Variants in HMCN2 observed in about 807,000 individuals in gnomAD.
HMCN2 encodes hemicentin 2.
In HMCN2, 325 loss-of-function variants were observed where a neutral mutation model predicts 377.5. The observed-to-expected ratio is 0.86, with a 90% CI of 0.79 to 0.94. The LOEUF is 0.94. Among genes scored for constraint, HMCN2 ranks in the 40% least tolerant of loss-of-function variants. The pLI is 0.00. For synonymous variants in HMCN2, 2,007 were observed against 2,046.8 expected (o/e 0.98, Z 0.53); for missense variants, 4,543 against 4,725.3 (o/e 0.96, Z 1.13).
At chr9:130,333,165 TG>T (rs1358790100) in intron 22 of HMCN2, among the ~76,000 whole-genome samples, 1 of 152,178 alleles carries the variant, frequency 6.6e-6, no homozygotes, top group Non-Finnish European at 1.5e-5. Context: ...CATGCTGAAC[TG>T]GGGCATGCCG....
chr9:130,337,077 G>A (rs911865199), intron 22 of HMCN2, among the ~76,000 whole-genome samples: 11 of 152,194 alleles, frequency 7.2e-5, no homozygotes, highest in African/African-American at 2.4e-4. Flanking sequence ...AGGGTCAGTG[G>A]CCGCAGCTGT....
Position 130,399,547 on chromosome 9 carries a change from C to T in HMCN2, c.11520C>T (p.Pro3840=), listed in dbSNP as rs571707784. 60 of 1,289,258 alleles carry T rather than the reference C, an allele frequency of 4.7e-5. No homozygotes were observed. The highest frequency in any genetic ancestry group is 3.5e-4 in the South Asian group (28 of 80,962). 79.9% of individuals were successfully genotyped at this position (1,289,258 alleles called of 1,614,324 possible). A position where few individuals can be genotyped will look rare whatever the true frequency, so the allele number is the denominator to read the frequency against. ...CCAACGCCCTGCTCCTCACGGCCCCCGGCCCCCAGGACTCAGCCCAGTTTG... is the reference window on the plus strand; with the variant it reads ...CCAACGCCCTGCTCCTCACGGCCCCTGGCCCCCAGGACTCAGCCCAGTTTG... ...LPSNALLLTA[P]GPQDSAQFEC... is the part of the protein sequence containing the mutation. The change falls in exon 76 of 98, where the codon CCC becomes CCT. Residue 3840 remains proline, a synonymous_variant. Transcript: ENST00000683500.
At chr9:130,407,788 C>T in intron 83 of HMCN2, 83 bp downstream of exon 83, 1 of 1,037,342 alleles carries the variant, frequency 9.6e-7, no homozygotes, top group Non-Finnish European at 1.2e-6. Flanking sequence ...AAGAACCCAG[C>T]CTCCTGTCCT....
At chr9:130,405,844 C>G in intron 81 of HMCN2, 111 bp from the exon 82 acceptor site, 1 of 793,114 alleles carries the variant, frequency 1.3e-6, no homozygotes, top group South Asian at 1.7e-5. Context: ...TTGGGCAAGT[C>G]ACTTCCCCTC....
At chr9:130,281,792 G>C (rs1467010923) in intron 1 of HMCN2, among the ~76,000 whole-genome samples, 1 of 151,510 alleles carries the variant, frequency 6.6e-6, no homozygotes, top group Non-Finnish European at 1.5e-5. Context: ...TACTAGGCTG[G>C]GGCAGGAGAA....
rs1015727313 is a variant in HMCN2, at chr9:130,344,971, T to A, written c.3830-2195T>A. On this transcript the variant is annotated intron_variant, in intron 25 of 97. Transcript: ENST00000683500. ...TTTGGTGTGTGTAGTGTGTAGTGTT[T>A]GGTGTATATGTTGTATGTGTTGTGT... Among the ~76,000 whole-genome samples, 123 of 149,600 alleles carry A rather than the reference T, an allele frequency of 8.2e-4. 2 individuals carry two copies. Among genetic ancestry groups the A allele is most frequent in the African/African-American group, 2.9e-3 (115 of 39,648 alleles).
Position 130,425,846 on chromosome 9 carries a change from C to G in HMCN2, c.13801C>G (p.Arg4601Gly), listed in dbSNP as rs1158027569. 2 of 1,550,434 alleles carry G rather than the reference C, an allele frequency of 1.3e-6. No homozygotes were observed. Among genetic ancestry groups the G allele is most frequent in the South Asian group, 1.2e-5 (1 of 84,060 alleles). Residue 4601 changes from arginine (R) to glycine (G), a missense_variant, in exon 90 of 98, where the codon CGG becomes GGG. Transcript: ENST00000683500. ...CCAGCCCCAGCTGGTGCAGCACCTGCGGGCCTCAGCTATCAGCTCGGCCTT... is the reference window on the plus strand; with the variant it reads ...CCAGCCCCAGCTGGTGCAGCACCTGGGGGCCTCAGCTATCAGCTCGGCCTT... The part of the protein sequence containing the change: ...GPQPQLVQHL[R>G]ASAISSAFDP...
intron 15 of HMCN2, among the ~76,000 whole-genome samples, chr9:130,319,283 C>T (rs1588235333): frequency 1.3e-5 from 2 of 152,168 alleles, no homozygotes; most frequent in East Asian, 3.9e-4. Context: ...CCCCACGCAC[C>T]ATCCCACGAG....
At chr9:130,377,555 G>T in intron 52 of HMCN2, 94 bp from the exon 53 acceptor site, 1 of 680,384 alleles carries the variant, frequency 1.5e-6, no homozygotes, top group Non-Finnish European at 1.8e-6. Flanking sequence ...CTGCATTTTT[G>T]GAGAATGTAT....
intron 36 of HMCN2, among the ~76,000 whole-genome samples, chr9:130,358,940 C>G (rs1159359517): frequency 6.6e-6 from 1 of 152,232 alleles, no homozygotes; most frequent in Non-Finnish European, 1.5e-5. Flanking sequence ...TCCCAAAGTG[C>G]TGGGATCACA....
intron 15 of HMCN2, among the ~76,000 whole-genome samples, chr9:130,312,609 T>TTTCA: frequency 8.0e-6 from 1 of 124,966 alleles, no homozygotes; most frequent in African/African-American, 3.0e-5. Context: ...TCTTTCTTTC[T>TTTCA]TTCTTTCTCT....
In HMCN2 at chr9:130,310,056, T is replaced by C. The variant is rs1554938491; in HGVS notation, c.2345T>C (p.Val782Ala). The change falls in exon 15 of 98, where the codon GTT becomes GCT. Residue 782 changes from valine to alanine, a missense_variant. This residue lies in a region of HMCN2 where 547 missense variants were observed against 189.9 expected (regional missense o/e 2.88). Transcript: ENST00000683500. ...GCCTCTGCAGAAATCCAGCTGGCGG[T>C]TGGACGTGAGTGTATACCTTGTCTC... is the stretch of plus-strand genomic sequence containing the variant. ...GDASAEIQLAVGHAPQLTELP... is the reference protein window; with the variant it reads ...GDASAEIQLAAGHAPQLTELP... The C allele has an allele frequency of 1.9e-6, 1 of 532,022 alleles. No homozygotes were observed. The highest frequency in any genetic ancestry group is 3.9e-6 in the Non-Finnish European group (1 of 258,670). 33.0% of individuals were successfully genotyped at this position (532,022 alleles called of 1,614,324 possible).
Position 130,308,439 on chromosome 9 carries a change from C to G in HMCN2, c.2200+873C>G, listed in dbSNP as rs117518251. Among the ~76,000 whole-genome samples, 1 of 152,178 alleles carries G rather than the reference C, an allele frequency of 6.6e-6. No individual in the cohort carries two copies. Among genetic ancestry groups the G allele is most frequent in the African/African-American group, 2.4e-5 (1 of 41,426 alleles). On this transcript the variant is annotated intron_variant, in intron 14 of 97. Coordinates refer to ENST00000683500, the MANE Select transcript of HMCN2 (RefSeq NM_001291815.2). The surrounding 1 kb of genome is among the most constrained non-coding windows in gnomAD (Gnocchi z 4.1). The stretch of plus-strand genomic sequence containing the variant: ...TGCTGCCAGGCTGGAGTTTGACGGA[C>G]GGGTGCTGGGGTCGCACTAGGTCTT...
rs1842132192 is a variant in HMCN2 at position 130,388,495 on chromosome 9, G to A, written c.9478G>A (p.Val3160Ile). The A allele has an allele frequency of 6.1e-6, 6 of 988,000 alleles. 1 individual carries two copies. The highest frequency in any genetic ancestry group is 1.2e-4 in the Admixed American group (2 of 16,278). 61.2% of individuals were successfully genotyped at this position (988,000 alleles called of 1,614,324 possible). Residue 3160 changes from valine (V) to isoleucine (I), a missense_variant, in exon 62 of 98, where the codon GTC becomes ATC. Physicochemically the swap from Val to Ile is conservative, Grantham distance 29 (BLOSUM62 3). Around this residue, in one of 5 missense-constraint regions of HMCN2, gnomAD observed 736 missense variants for 773.2 expected, o/e 0.95. Coordinates refer to ENST00000683500, the MANE Select transcript of HMCN2 (RefSeq NM_001291815.2). ...PLVLTCDVSGVPAPTVTWLKD... is the reference protein window; with the variant it reads ...PLVLTCDVSGIPAPTVTWLKD... ...GGTCCTGACCTGTGATGTGTCCGGGGTCCCTGCACCCACGGTCACTTGGCT... is the reference window on the plus strand; with the variant it reads ...GGTCCTGACCTGTGATGTGTCCGGGATCCCTGCACCCACGGTCACTTGGCT...
intron 19 of HMCN2, among the ~76,000 whole-genome samples, chr9:130,324,358 A>G (rs893243764): frequency 2.6e-5 from 4 of 152,130 alleles, no homozygotes; most frequent in Non-Finnish European, 4.4e-5. Flanking sequence ...TATTCCTTTT[A>G]AAAAAACAGA....
At chr9:130,424,644 G>T in intron 87 of HMCN2, 132 bp from the exon 88 acceptor site, 1 of 897,364 alleles carries the variant, frequency 1.1e-6, no homozygotes, top group East Asian at 3.2e-5. Flanking sequence ...CAGTCACAAG[G>T]CTGAGTATGG....
chr9:130,367,588 G>A (rs569252983), intron 43 of HMCN2, among the ~76,000 whole-genome samples: 11 of 152,182 alleles, frequency 7.2e-5, no homozygotes, highest in African/African-American at 1.9e-4. Context: ...GTGGATGGTC[G>A]TTCCTTCAGT....
intron 43 of HMCN2, 95 bp from the exon 44 acceptor site, chr9:130,368,181 G>T: frequency 1.3e-6 from 1 of 751,136 alleles, no homozygotes; most frequent in Non-Finnish European, 1.6e-6. Flanking sequence ...AGCAGGAATT[G>T]GCAAGAATGG....
rs1485608436 is a variant in HMCN2 at position 130,427,481 on chromosome 9, C to A, written c.13943-16C>A. The A allele has an allele frequency of 1.3e-6, 2 of 1,550,354 alleles. No individual in the cohort carries two copies. The highest frequency in any genetic ancestry group is 1.7e-4 in the Middle Eastern group (1 of 5,988). On this transcript the variant is annotated splice_polypyrimidine_tract_variant and intron_variant, in intron 91 of 97. Coordinates refer to ENST00000683500, the MANE Select transcript of HMCN2 (RefSeq NM_001291815.2). ...GGGCCTGGGAGCGGAGACCACCAGA[C>A]CCCTTCCTGCCCCAGACAGGGACGA...
Sources: gnomAD v4.1 joint callset for allele counts (sites outside exome capture counted in the v4.1 genomes callset) on GRCh38, gnomAD v4.1.1 for gene constraint, gnomAD v4.1.1 regional missense constraint, Gnocchi (gnomAD v3.1) non-coding constraint, MANE v1.5 for transcripts, NCBI Gene and HGNC (gene_info 2026-07-23, HGNC 2026-07-21) for gene names.